Variants in ARHGEF40 observed in about 807,000 individuals in gnomAD.
The protein encoded by ARHGEF40 is Rho guanine nucleotide exchange factor 40.
A neutral mutation model predicts 165.9 loss-of-function variants in ARHGEF40; 98 were observed. That is an observed-to-expected ratio of 0.59 (90% CI 0.50 to 0.70). The LOEUF is 0.70. Among genes scored for constraint, ARHGEF40 ranks in the 30% least tolerant of loss-of-function variants. The probability of loss-of-function intolerance (pLI) is 0.00; values close to 1 mark genes in which losing one functional copy is unlikely to be tolerated. For synonymous variants in ARHGEF40, 792 were observed against 814.3 expected, an observed-to-expected ratio of 0.97 and a Z score of 0.47; for missense variants, 1,815 against 1,968.0, an observed-to-expected ratio of 0.92 and a Z score of 1.47.
chr14:21,069,791 T>A (rs1886535032), upstream of ARHGEF40, among the ~76,000 whole-genome samples: 1 of 152,030 alleles, frequency 6.6e-6, no homozygotes, highest in Non-Finnish European at 1.5e-5. Context: ...GGCCTGAAGG[T>A]CTCATTTGAG....
rs768639508 is a variant in ARHGEF40 at position 21,074,483 on chromosome 14, C to T, written c.753C>T (p.Pro251=). 9.6e-6 allele frequency: 15 copies of T among 1,563,018 alleles called. No individual in the cohort carries two copies. Among genetic ancestry groups the T allele is most frequent in the South Asian group, 2.4e-5 (2 of 84,706 alleles). The change falls in exon 3 of 24, where the codon CCC becomes CCT. Residue 251 remains proline, a synonymous_variant. Coordinates refer to ENST00000298694, the MANE Select transcript of ARHGEF40 (RefSeq NM_018071.5). The surrounding 1 kb of genome is among the most constrained non-coding windows in gnomAD (Gnocchi z 4.8). The stretch of plus-strand genomic sequence containing the variant: ...TGGAGCTGTTAGAGGTGACGCTGCC[C>T]GTGAGGGGGAGCCCAACAGATGCTG... ...EYVELLEVTL[P]VRGSPTDAEG... is the part of the protein sequence containing the mutation.
Position 21,074,555 on chromosome 14 carries a change from G to C in ARHGEF40, c.825G>C (p.Lys275Asn). The change falls in exon 3 of 24, where the codon AAG becomes AAC. Residue 275 changes from lysine to asparagine, a missense_variant. Lys to Asn is a moderately conservative substitution (Grantham distance 94). Transcript: ENST00000298694. This position sits in a 1 kb window ranked among gnomAD's most constrained non-coding sequence, Gnocchi z 4.8. ...GAGTCCGGACGGTACCCACCCGCAA[G>C]GGCGCTGGAGGGAAGGGCCGCCACC... ...LSRVRTVPTR[K>N]GAGGKGRHRR... 2 of 1,550,196 alleles carry C rather than the reference G, an allele frequency of 1.3e-6. No homozygotes were observed. The highest frequency in any genetic ancestry group is 4.1e-5 in the Admixed American group (2 of 49,010).
At chr14:21,071,737 G>A (rs935241091) in intron 1 of ARHGEF40, among the ~76,000 whole-genome samples, 101 of 152,328 alleles carry the variant, frequency 6.6e-4, no homozygotes, top group African/African-American at 2.1e-3. Context: ...CCTTGGAGCA[G>A]ACGGCCCCAC....
Position 21,081,597 on chromosome 14 carries a change from G to A in ARHGEF40, c.2729G>A (p.Arg910Gln), listed in dbSNP as rs761342079. 2.6e-5 allele frequency: 42 copies of A among 1,611,346 alleles called. No individual in the cohort carries two copies. Among genetic ancestry groups the A allele is most frequent in the Admixed American group, 8.3e-5 (5 of 59,920 alleles). Residue 910 changes from arginine to glutamine, a missense_variant, in exon 14 of 24, where the codon CGG becomes CAG. Physicochemically the swap from Arg to Gln is conservative, Grantham distance 43 (BLOSUM62 1). Transcript: ENST00000298694. ...EAVLAALALRRAPEPSAGTFQ... is the reference protein window; with the variant it reads ...EAVLAALALRQAPEPSAGTFQ... The stretch of plus-strand genomic sequence containing the variant: ...GTGCTGGCTGCACTGGCCCTGCGGC[G>A]GGCCCCAGAGCCCAGTGCCGGCACC...
At chr14:21,064,948 A>C in the ARHGEF40 span, among the ~76,000 whole-genome samples, 1 of 152,322 alleles carries the variant, frequency 6.6e-6, no homozygotes, top group East Asian at 1.9e-4. Flanking sequence ...AGGCAGGCAG[A>C]TCACCTGAGA....
chr14:21,066,945 A>T (rs1358741931), upstream of ARHGEF40, among the ~76,000 whole-genome samples: 1 of 152,262 alleles, frequency 6.6e-6, no homozygotes, highest in Admixed American at 6.5e-5. Flanking sequence ...CTTGGAAGGC[A>T]GAGCTAACAA....
chr14:21,075,838 C>A lies in ARHGEF40; in HGVS notation c.1739+73C>A. On this transcript the variant is annotated intron_variant, in intron 5 of 23. Transcript: ENST00000298694. The surrounding 1 kb of genome is among the most constrained non-coding windows in gnomAD (Gnocchi z 4.5). ...ATGAGGACCCTCACCTCCTTCTTCT[C>A]AGGACACTGACCTTCTGACCTCTAA... 1.9e-6 allele frequency: 3 copies of A among 1,555,962 alleles called. No homozygotes were observed. Among genetic ancestry groups the A allele is most frequent in the South Asian group, 2.4e-5 (2 of 82,958 alleles).
chr14:21,085,972 A>G (rs1699579265), intron 19 of ARHGEF40, 106 bp downstream of exon 19: 2 of 1,253,694 alleles, frequency 1.6e-6, no homozygotes, highest in Non-Finnish European at 2.2e-6. Context: ...AGGATGAAGA[A>G]AGAATGGCTT....
chr14:21,089,800 A>G lies in ARHGEF40; in HGVS notation c.*792A>G, dbSNP rs1378473082. Reference sequence around the variant, plus strand: ...ACACTGCACCTACTCCTTGAGGCTGAACTGGTCACAGACAAACTGGGATCC... The same window carrying G: ...ACACTGCACCTACTCCTTGAGGCTGGACTGGTCACAGACAAACTGGGATCC... On this transcript the variant is annotated 3_prime_UTR_variant, in exon 24 of 24. Coordinates refer to ENST00000298694, the MANE Select transcript of ARHGEF40 (RefSeq NM_018071.5). 6.4e-6 allele frequency: 1 copy of G among 155,500 alleles called. No individual in the cohort carries two copies. The highest frequency in any genetic ancestry group is 1.9e-4 in the South Asian group (1 of 5,286). 9.6% of individuals were successfully genotyped at this position (155,500 alleles called of 1,614,324 possible). A position where few individuals can be genotyped will look rare whatever the true frequency, so the allele number is the denominator to read the frequency against.
Position 21,081,505 on chromosome 14 carries a change from G to A in ARHGEF40, c.2641-4G>A, listed in dbSNP as rs372517190. ...TCCCATCCCCAACCCCTTTGACTTC[G>A]TAGGCACATGAATGGGTGGATGAGG... is the stretch of plus-strand genomic sequence containing the variant. On this transcript the variant is annotated splice_region_variant and splice_polypyrimidine_tract_variant and intron_variant, in intron 13 of 23. Coordinates refer to ENST00000298694, the MANE Select transcript of ARHGEF40 (RefSeq NM_018071.5). 1.4e-4 allele frequency: 230 copies of A among 1,612,752 alleles called. No individual in the cohort carries two copies. Among genetic ancestry groups the A allele is most frequent in the South Asian group, 3.0e-4 (27 of 90,992 alleles).
chr14:21,081,869 C>T lies in ARHGEF40; in HGVS notation c.3001C>T (p.Arg1001Trp), dbSNP rs758999382. 41 of 1,612,782 alleles carry T rather than the reference C, an allele frequency of 2.5e-5. 1 individual carries two copies. Among genetic ancestry groups the T allele is most frequent in the Admixed American group, 1.7e-4 (10 of 59,946 alleles). ...SLLLPSSPGP[R>W]PAPSHCSLAP... ...GCTGCTCCCCAGCAGCCCTGGGCCACGGCCAGCCCCATCCCATTGCTCCCT... is the reference window on the plus strand; with the variant it reads ...GCTGCTCCCCAGCAGCCCTGGGCCATGGCCAGCCCCATCCCATTGCTCCCT... Residue 1001 changes from arginine to tryptophan, a missense_variant, in exon 14 of 24, where the codon CGG becomes TGG. By Grantham distance (101) the Arg-to-Trp change is moderately radical (BLOSUM62 -3). Transcript: ENST00000298694.
chr14:21,067,266 G>A (rs1400105316), upstream of ARHGEF40, among the ~76,000 whole-genome samples: 1 of 133,632 alleles, frequency 7.5e-6, no homozygotes, highest in Non-Finnish European at 1.6e-5. Context: ...TCTATAACAA[G>A]TCTAGAAAAA....
Position 21,073,194 on chromosome 14 carries a change from C to T in ARHGEF40, c.153C>T (p.Phe51=), listed in dbSNP as rs1887120665. 1.9e-6 allele frequency: 3 copies of T among 1,613,942 alleles called. No individual in the cohort carries two copies. The highest frequency in any genetic ancestry group is 1.7e-4 in the Middle Eastern group (1 of 6,000). Residue 51 remains phenylalanine, a synonymous_variant, in exon 2 of 24, where the codon TTC becomes TTT. Transcript: ENST00000298694. The surrounding 1 kb of genome is among the most constrained non-coding windows in gnomAD (Gnocchi z 4.6). The part of the protein sequence containing the change: ...REDALRYTLD[F]LVPAKHLLAK... ...ACGCACTGAGGTACACGCTGGACTT[C>T]CTGGTACCAGCCAAGCACCTGCTTG...
intron 11 of ARHGEF40, among the ~76,000 whole-genome samples, chr14:21,080,239 CACACACACA>C (rs1566530675): frequency 0.045 from 5,256 of 117,844 alleles, 281 homozygotes; most frequent in Admixed American, 0.18. Context: ...CACACACACA[CACACACACA>C]CCCCTTCTGT....
intron 15 of ARHGEF40, among the ~76,000 whole-genome samples, 169 bp downstream of exon 15, chr14:21,082,647 C>T (rs1888016283): frequency 6.6e-6 from 1 of 152,214 alleles, no homozygotes; most frequent in Non-Finnish European, 1.5e-5. Context: ...GCCTCTGCGC[C>T]CTGCTCTCAA....
rs1594580673 is a variant in ARHGEF40, at chr14:21,086,167, C to T, written c.4138+301C>T. ...CCAAAGTGGGAGGATTGTTTGAGGC[C>T]AGGTGTTCAAGACCAGCCTGGGCAC... is the stretch of plus-strand genomic sequence containing the variant. On this transcript the variant is annotated intron_variant, in intron 19 of 23. Coordinates refer to ENST00000298694, the MANE Select transcript of ARHGEF40 (RefSeq NM_018071.5). 9.0e-6 allele frequency: 3 copies of T among 332,072 alleles called. No homozygotes were observed. The East Asian group carries it at 2.0e-4, about 23-fold the overall frequency. The allele number at this position is 332,072 out of a possible 1,614,324, so 20.6% of individuals were successfully genotyped here.
At chr14:21,087,233 GC>G in intron 20 of ARHGEF40, 86 bp from the exon 21 acceptor site, 1 of 1,571,842 alleles carries the variant, frequency 6.4e-7, no homozygotes, top group Non-Finnish European at 8.7e-7. Context: ...TGGCTGGGAG[GC>G]CCTCTGTGAG....
chr14:21,075,838 C>G lies in ARHGEF40; in HGVS notation c.1739+73C>G. On this transcript the variant is annotated intron_variant, in intron 5 of 23. Coordinates refer to ENST00000298694, the MANE Select transcript of ARHGEF40 (RefSeq NM_018071.5). The surrounding 1 kb of genome is among the most constrained non-coding windows in gnomAD (Gnocchi z 4.5). ...ATGAGGACCCTCACCTCCTTCTTCT[C>G]AGGACACTGACCTTCTGACCTCTAA... 1.9e-6 allele frequency: 3 copies of G among 1,555,968 alleles called. No individual in the cohort carries two copies. The highest frequency in any genetic ancestry group is 2.4e-5 in the South Asian group (2 of 82,960).
intron 1 of ARHGEF40, among the ~76,000 whole-genome samples, chr14:21,071,781 C>G (rs537881065): frequency 6.6e-6 from 1 of 152,354 alleles, no homozygotes; most frequent in East Asian, 1.9e-4. Flanking sequence ...CACCTTCCCC[C>G]CACCCACGCG....
Sources: gnomAD v4.1 joint callset for allele counts (sites outside exome capture counted in the v4.1 genomes callset) on GRCh38, gnomAD v4.1.1 for gene constraint, Gnocchi (gnomAD v3.1) non-coding constraint, MANE v1.5 for transcripts, NCBI Gene and HGNC (gene_info 2026-07-23, HGNC 2026-07-21) for gene names.